Variants in AQR observed in about 807,000 individuals in gnomAD.
AQR encodes aquarius intron-binding spliceosomal factor, also known as RNA helicase aquarius.
Under a neutral mutation model 180.5 loss-of-function variants are expected in AQR, and 61 were observed. The observed-to-expected ratio is 0.34, with a 90% CI of 0.28 to 0.42. AQR has a LOEUF of 0.42. AQR is among the 10% of genes least tolerant of loss of function. AQR has a pLI of 1.00. For missense variants in AQR, 1,281 were observed against 1,798.3 expected, an observed-to-expected ratio of 0.71 and a Z score of 5.20; for synonymous variants, 551 against 588.8, an observed-to-expected ratio of 0.94 and a Z score of 0.93.
At chr15:34,894,667 G>A (rs1893203122) in intron 22 of AQR, among the ~76,000 whole-genome samples, 1 of 151,942 alleles carries the variant, frequency 6.6e-6, no homozygotes, top group Non-Finnish European at 1.5e-5. Context: ...CTATCTGATG[G>A]TATCTTAAAG....
chr15:34,934,476 AAAAGG>A (rs1452739950), intron 10 of AQR, 90 bp downstream of exon 10: 2 of 698,328 alleles, frequency 2.9e-6, no homozygotes, highest in African/African-American at 1.9e-5. Flanking sequence ...TATTGAAAAG[AAAAGG>A]AAAGAAAAAA....
At chr15:34,924,019 G>C (rs926128067) in intron 13 of AQR, among the ~76,000 whole-genome samples, 1 of 152,114 alleles carries the variant, frequency 6.6e-6, no homozygotes, top group African/African-American at 2.4e-5. Context: ...TTCACACCTT[G>C]GGTCCTCTTA....
chr15:34,936,104 A>C (rs1893939674), intron 9 of AQR, among the ~76,000 whole-genome samples: 2 of 152,180 alleles, frequency 1.3e-5, no homozygotes, highest in Admixed American at 1.3e-4. Context: ...TTGCTATCCC[A>C]ATTTCAGACA....
chr15:34,893,185 A>G (rs900469860), intron 23 of AQR, among the ~76,000 whole-genome samples: 4 of 152,228 alleles, frequency 2.6e-5, no homozygotes, highest in African/African-American at 9.6e-5. Flanking sequence ...TACCTGCGTC[A>G]GTCACGTTTG....
Position 34,920,366 on chromosome 15 carries a change from G to C in AQR, c.1187C>G (p.Thr396Arg), listed in dbSNP as rs1275422193. 2 of 1,613,038 alleles carry C rather than the reference G, an allele frequency of 1.2e-6. No homozygotes were observed. Among genetic ancestry groups the C allele is most frequent in the Non-Finnish European group, 1.7e-6 (2 of 1,179,426 alleles). The change falls in exon 14 of 35, where the codon ACA becomes AGA. Residue 396 changes from threonine to arginine, a missense_variant. This residue lies in a region of AQR where 404 missense variants were observed against 490.9 expected (regional missense o/e 0.82). Transcript: ENST00000156471. Reference sequence around the variant, plus strand: ...TAGAAGAAATTCTTTATCAAAAGTTGTGTCTTCATTTTTAGGAAGAGTTGG... The same window carrying C: ...TAGAAGAAATTCTTTATCAAAAGTTCTGTCTTCATTTTTAGGAAGAGTTGG... ...LLPTLPKNED[T>R]TFDKEFLLEL...
At position 34,931,162 on chromosome 15, in the gene AQR, T is replaced by C. The variant is rs75556619; in HGVS notation, c.901-791A>G. The stretch of plus-strand genomic sequence containing the variant: ...TGCTGCTTCTTTTAGGGAAAAACAC[T>C]AAGATAGGGAAAGCTAAGTTATTCT... On this transcript the variant is annotated intron_variant, in intron 11 of 34. Transcript: ENST00000156471. Among the ~76,000 whole-genome samples the C allele has an allele frequency of 3.4e-3, 513 of 152,170 alleles. 5 individuals are homozygous for C. The highest frequency in any genetic ancestry group is 0.012 in the African/African-American group (482 of 41,510).
Position 34,914,596 on chromosome 15 carries a change from C to T in AQR, c.1484+442G>A, listed in dbSNP as rs147146886. Among the ~76,000 whole-genome samples, 496 of 152,292 alleles carry T rather than the reference C, an allele frequency of 3.3e-3. 4 individuals carry two copies. Among genetic ancestry groups the T allele is most frequent in the African/African-American group, 0.011 (471 of 41,564 alleles). On this transcript the variant is annotated intron_variant, in intron 16 of 34. Transcript: ENST00000156471. ...TCTGTCCATTCCCCTAGAGAGGCTGCCTGAGAATACTGTGGCAACAGTGAC... is the reference window on the plus strand; with the variant it reads ...TCTGTCCATTCCCCTAGAGAGGCTGTCTGAGAATACTGTGGCAACAGTGAC...
In AQR at chr15:34,942,087, AG is replaced by A; in HGVS notation, c.472-8del. 1.2e-6 allele frequency: 2 copies of A among 1,608,544 alleles called. No homozygotes were observed. The highest frequency in any genetic ancestry group is 2.2e-5 in the South Asian group (2 of 90,540). On this transcript the variant is annotated splice_polypyrimidine_tract_variant and splice_region_variant and intron_variant, in intron 6 of 34. Transcript: ENST00000156471. ...TTCGTATCAAGTCTACTTCCTGTTTAGGGCATGAAGAAAATAAGTTTATAAA... is the reference window on the plus strand; with the variant it reads ...TTCGTATCAAGTCTACTTCCTGTTTAGGCATGAAGAAAATAAGTTTATAAA...
At chr15:34,882,465 T>TAAAAAAAAAAA (rs34949352) in intron 27 of AQR, 37 bp downstream of exon 27, 13 of 1,200,482 alleles carry the variant, frequency 1.1e-5, no homozygotes, top group Middle Eastern at 2.5e-4. Flanking sequence ...CTGATAATCT[T>TAAAAAAAAAAA]AAAAAAAAAA....
intron 3 of AQR, among the ~76,000 whole-genome samples, chr15:34,958,992 G>GATATAGATATAGAT (rs1555375692): frequency 4.2e-3 from 134 of 31,894 alleles, no homozygotes; most frequent in Admixed American, 0.014. Context: ...TATAGATATA[G>GATATAGATATAGAT]ATATAGATAT....
chr15:34,910,878 T>C (rs1893489732), intron 16 of AQR, among the ~76,000 whole-genome samples: 1 of 152,218 alleles, frequency 6.6e-6, no homozygotes, highest in Non-Finnish European at 1.5e-5. Context: ...TACTTTACAT[T>C]AGATCTCCAA....
intron 27 of AQR, among the ~76,000 whole-genome samples, chr15:34,876,848 G>A (rs981411738): frequency 1.3e-5 from 2 of 152,106 alleles, no homozygotes; most frequent in African/African-American, 4.8e-5. Context: ...CCCTGCCTCA[G>A]GCCCTTTGCA....
At chr15:34,939,808 T>C (rs1340211997) in intron 8 of AQR, among the ~76,000 whole-genome samples, 1 of 152,236 alleles carries the variant, frequency 6.6e-6, no homozygotes, top group African/African-American at 2.4e-5. Context: ...ATCTGAGCTA[T>C]GCTAAACACT....
chr15:34,900,170 T>G (rs945779809), intron 20 of AQR, among the ~76,000 whole-genome samples: 2 of 152,154 alleles, frequency 1.3e-5, no homozygotes, highest in African/African-American at 4.8e-5. Flanking sequence ...TGGGATTATA[T>G]GCATGAGCCA....
At chr15:34,943,911 A>G (rs543913161) in intron 6 of AQR, among the ~76,000 whole-genome samples, 1 of 152,288 alleles carries the variant, frequency 6.6e-6, no homozygotes, top group East Asian at 1.9e-4. Flanking sequence ...ATGAAACTAC[A>G]TTCCTGTATG....
chr15:34,873,645 T>C (rs1430119042), intron 30 of AQR, among the ~76,000 whole-genome samples, 183 bp downstream of exon 30: 1 of 152,132 alleles, frequency 6.6e-6, no homozygotes. Flanking sequence ...TAGTTTCTAG[T>C]TTGTTTAGTT....
intron 22 of AQR, among the ~76,000 whole-genome samples, chr15:34,896,590 G>A (rs1440091736): frequency 2.7e-5 from 4 of 150,866 alleles, no homozygotes; most frequent in Non-Finnish European, 4.4e-5. Flanking sequence ...GCTCACGCCT[G>A]TAATCCCAAC....
chr15:34,924,169 G>T (rs1369447354), intron 13 of AQR, among the ~76,000 whole-genome samples: 1 of 152,082 alleles, frequency 6.6e-6, no homozygotes, highest in Non-Finnish European at 1.5e-5. Flanking sequence ...GAGTATTAAA[G>T]AAGAACATTC....
intron 18 of AQR, among the ~76,000 whole-genome samples, chr15:34,906,286 G>T (rs1053918255): frequency 6.6e-6 from 1 of 151,992 alleles, no homozygotes; most frequent in African/African-American, 2.4e-5. Context: ...CTGGAGAATC[G>T]CATGAACCCA....
Sources: gnomAD v4.1 joint callset for allele counts (sites outside exome capture counted in the v4.1 genomes callset) on GRCh38, gnomAD v4.1.1 for gene constraint, gnomAD v4.1.1 regional missense constraint, MANE v1.5 for transcripts, NCBI Gene and HGNC (gene_info 2026-07-23, HGNC 2026-07-21) for gene names.